TESK2: variants seen among roughly 807,000 people sequenced by gnomAD.
The protein encoded by TESK2 is dual specificity testis-specific protein kinase 2.
Under a neutral mutation model 57.1 loss-of-function variants are expected in TESK2, and 39 were observed. That is an observed-to-expected ratio of 0.68 (90% CI 0.53 to 0.89). The LOEUF is 0.89. Among genes scored for constraint, TESK2 ranks in the 40% least tolerant of loss-of-function variants. The probability of loss-of-function intolerance (pLI) is 0.00; values close to 1 mark genes in which losing one functional copy is unlikely to be tolerated. For missense variants in TESK2, 646 were observed against 732.1 expected, an observed-to-expected ratio of 0.88 and a Z score of 1.36; for synonymous variants, 249 against 267.9, an observed-to-expected ratio of 0.93 and a Z score of 0.69.
In TESK2 at chr1:45,477,187, C is replaced by T. The variant is rs545438387; in HGVS notation, c.-87+13665G>A. ...GGCAGAGGTTGCGGTGAGCTGAAAT[C>T]GCACCACTGCACTCCAGCCTGGGTG... On this transcript the variant is annotated intron_variant, in intron 1 of 10. Transcript: ENST00000372086. Among the ~76,000 whole-genome samples the T allele has an allele frequency of 1.5e-3, 233 of 151,098 alleles. 2 individuals carry two copies. The highest frequency in any genetic ancestry group is 1.9e-3 in the Non-Finnish European group (129 of 67,846).
intron 3 of TESK2, among the ~76,000 whole-genome samples, chr1:45,399,307 C>T (rs147507528): frequency 3.3e-4 from 50 of 151,768 alleles, no homozygotes; most frequent in African/African-American, 1.0e-3. Context: ...CACCACCACA[C>T]CCAGCTAATT....
intron 2 of TESK2, among the ~76,000 whole-genome samples, chr1:45,444,580 T>C (rs986854235): frequency 1.3e-5 from 2 of 152,054 alleles, no homozygotes; most frequent in African/African-American, 4.8e-5. Context: ...TAAATAAAAA[T>C]AAAGCATTTA....
intron 4 of TESK2, among the ~76,000 whole-genome samples, chr1:45,369,716 CT>C (rs922027763): frequency 1.5e-3 from 212 of 141,686 alleles, no homozygotes; most frequent in Middle Eastern, 7.2e-3. Flanking sequence ...GATAATTTTT[CT>C]TTTTTTTTTT....
chr1:45,369,806 G>C (rs1177628596), intron 4 of TESK2, among the ~76,000 whole-genome samples: 1 of 151,888 alleles, frequency 6.6e-6, no homozygotes, highest in African/African-American at 2.4e-5. Context: ...CCACCTCCTG[G>C]GTTCAAGCAA....
chr1:45,392,172 G>A (rs1557554937), intron 3 of TESK2, among the ~76,000 whole-genome samples: 3 of 152,084 alleles, frequency 2.0e-5, no homozygotes, highest in Admixed American at 1.3e-4. Flanking sequence ...TGCAACCTCC[G>A]CCTCCCGGGT....
intron 3 of TESK2, among the ~76,000 whole-genome samples, chr1:45,406,284 C>A (rs1458256413): frequency 6.6e-6 from 1 of 152,040 alleles, no homozygotes; most frequent in African/African-American, 2.4e-5. Flanking sequence ...ATATTTTGAA[C>A]CTAAAATTAT....
intron 5 of TESK2, 31 bp from the exon 6 acceptor site, chr1:45,348,031 T>C: frequency 6.8e-7 from 1 of 1,464,362 alleles, no homozygotes; most frequent in Non-Finnish European, 9.6e-7. Flanking sequence ...GAGAAAATAA[T>C]GTGGCTCAGA....
chr1:45,372,268 A>T (rs1648220418), intron 4 of TESK2, among the ~76,000 whole-genome samples: 1 of 131,214 alleles, frequency 7.6e-6, no homozygotes, highest in African/African-American at 3.7e-5. Context: ...AATAACAATT[A>T]AAAAAAAAAA....
At chr1:45,385,444 G>T in intron 4 of TESK2, 1 of 569,036 alleles carries the variant, frequency 1.8e-6, no homozygotes, top group Non-Finnish European at 2.2e-6. Flanking sequence ...CCACAGCAGG[G>T]ACTGTGGAAT....
At chr1:45,375,941 C>G (rs1648402900) in intron 4 of TESK2, among the ~76,000 whole-genome samples, 1 of 152,060 alleles carries the variant, frequency 6.6e-6, no homozygotes, top group African/African-American at 2.4e-5. Flanking sequence ...TAAATAAACT[C>G]TTCTATTATT....
chr1:45,368,240 C>T (rs1377033500), intron 4 of TESK2, among the ~76,000 whole-genome samples: 4 of 152,164 alleles, frequency 2.6e-5, no homozygotes, highest in East Asian at 3.9e-4. Context: ...GGTGATCCAC[C>T]CATCTTGGCC....
intron 1 of TESK2, among the ~76,000 whole-genome samples, chr1:45,467,492 CG>C: frequency 6.6e-6 from 1 of 151,942 alleles, no homozygotes; most frequent in South Asian, 2.1e-4. Flanking sequence ...CCACCACACC[CG>C]GCTAATTTTT....
chr1:45,346,377 A>T (rs1394491799), intron 9 of TESK2, among the ~76,000 whole-genome samples: 1 of 152,224 alleles, frequency 6.6e-6, no homozygotes, highest in African/African-American at 2.4e-5. Flanking sequence ...AGCCTTTCTC[A>T]TATGCCTCAG....
At chr1:45,378,069 G>A (rs1198548396) in intron 4 of TESK2, among the ~76,000 whole-genome samples, 3 of 151,986 alleles carry the variant, frequency 2.0e-5, no homozygotes, top group African/African-American at 7.2e-5. Context: ...TGGATGGCCA[G>A]TTTGGGGAAG....
At chr1:45,452,976 C>T (rs1651927875) in intron 2 of TESK2, among the ~76,000 whole-genome samples, 1 of 151,422 alleles carries the variant, frequency 6.6e-6, no homozygotes, top group South Asian at 2.1e-4. Context: ...CACTTGAGTC[C>T]AGGAGGATGC....
intron 3 of TESK2, among the ~76,000 whole-genome samples, chr1:45,388,055 A>T (rs1648974608): frequency 6.6e-6 from 1 of 152,112 alleles, no homozygotes; most frequent in Non-Finnish European, 1.5e-5. Context: ...ATAAAATAAG[A>T]TGGGTCATTT....
intron 1 of TESK2, among the ~76,000 whole-genome samples, chr1:45,459,751 G>A (rs1392313292): frequency 6.6e-6 from 1 of 152,180 alleles, no homozygotes; most frequent in Admixed American, 6.5e-5. Context: ...GCTGAGGCAG[G>A]AGGATTGCCT....
intron 2 of TESK2, among the ~76,000 whole-genome samples, chr1:45,442,004 T>A (rs150020425): frequency 0.013 from 1,939 of 152,262 alleles, 23 homozygotes; most frequent in Non-Finnish European, 0.021. Flanking sequence ...TGGTGCTATC[T>A]CGGCTCACCG....
At chr1:45,431,206 C>A (rs559781527) in intron 2 of TESK2, among the ~76,000 whole-genome samples, 17 of 152,254 alleles carry the variant, frequency 1.1e-4, no homozygotes, top group African/African-American at 3.6e-4. Flanking sequence ...ATCACGAGGT[C>A]AGGAGATCGA....
Sources: gnomAD v4.1 joint callset for allele counts (sites outside exome capture counted in the v4.1 genomes callset) on GRCh38, gnomAD v4.1.1 for gene constraint, MANE v1.5 for transcripts, NCBI Gene and HGNC (gene_info 2026-07-23, HGNC 2026-07-21) for gene names.